The following LRRC63 variants were observed in gnomAD, a reference collection of about 807,000 sequenced individuals.
The protein encoded by LRRC63 is leucine-rich repeat-containing protein 63.
A neutral mutation model predicts 49.5 loss-of-function variants in LRRC63; 40 were observed. The ratio of observed to expected loss-of-function variants is 0.81; its 90% CI spans 0.63 to 1.05. The LOEUF is 1.05. Ranked by LOEUF, LRRC63 falls within the 50% of genes least tolerant of loss-of-function variation. LRRC63 has a pLI of 0.00. For missense variants in LRRC63, 636 were observed against 663.1 expected (o/e 0.96, Z 0.45); for synonymous variants, 191 against 221.1 (o/e 0.86, Z 1.21).
Position 46,276,817 on chromosome 13 carries a change from C to T in LRRC63, c.*14C>T, listed in dbSNP as rs1217233344. On this transcript the variant is annotated 3_prime_UTR_variant, in exon 10 of 10. Coordinates refer to ENST00000595396, the Ensembl canonical transcript of LRRC63. The stretch of plus-strand genomic sequence containing the variant: ...AAAGAATTATAGTACAATGATTTAT[C>T]GTATGTGTGTGTATATATATATATA... The T allele has an allele frequency of 5.0e-5, 13 of 262,418 alleles. No homozygotes were observed. The South Asian group carries it at 5.7e-4, about 12-fold the overall frequency. The allele number at this position is 262,418 out of a possible 1,614,324, so 16.3% of individuals were successfully genotyped here.
At chr13:46,215,353 C>T (rs143368994) in intron 2 of LRRC63, among the ~76,000 whole-genome samples, 2,176 of 152,286 alleles carry the variant, frequency 0.014, 65 homozygotes, top group African/African-American at 0.048. Context: ...TTGCATTTCT[C>T]AGATGATTAG....
intron 9 of LRRC63, 38 bp from the exon 10 acceptor site, chr13:46,276,552 A>G (rs983461204): frequency 9.4e-7 from 1 of 1,061,692 alleles, no homozygotes; most frequent in East Asian, 3.2e-5. Flanking sequence ...TTTAGTAAAA[A>G]TTTATTAAAT....
chr13:46,260,580 A>G (rs1429445464), intron 7 of LRRC63, among the ~76,000 whole-genome samples: 1 of 152,194 alleles, frequency 6.6e-6, no homozygotes, highest in African/African-American at 2.4e-5. Context: ...TGTGATGGGT[A>G]CTATGAGAGA....
intron 6 of LRRC63, 188 bp from the exon 7 acceptor site, chr13:46,250,167 T>C: frequency 2.2e-6 from 1 of 463,046 alleles, no homozygotes; most frequent in South Asian, 3.0e-5. Flanking sequence ...TTTCACCATA[T>C]CATACCTATT....
chr13:46,270,571 G>A (rs770391905), intron 9 of LRRC63: 7 of 870,860 alleles, frequency 8.0e-6, no homozygotes, highest in Non-Finnish European at 1.4e-5. Context: ...CACAAAAACG[G>A]TATGAAGAAG....
At chr13:46,220,903 C>T (rs185024490) in intron 2 of LRRC63, among the ~76,000 whole-genome samples, 375 of 152,220 alleles carry the variant, frequency 2.5e-3, no homozygotes, top group Non-Finnish European at 4.0e-3. Context: ...GAGGTGACGC[C>T]GCACCCTGCT....
At chr13:46,214,528 CATTTTAGGTTGG>C (rs755068689) in intron 2 of LRRC63, among the ~76,000 whole-genome samples, 60 of 152,026 alleles carry the variant, frequency 3.9e-4, no homozygotes, top group Non-Finnish European at 6.3e-4. Context: ...GCACTATTGA[CATTTTAGGTTGG>C]ATGGTTCCTT....
chr13:46,276,870 A>ATATATATATTCATATATATATATATT (rs2047850611), exon 10 of LRRC63: 1 of 141,226 alleles, frequency 7.1e-6, no homozygotes, highest in South Asian at 2.3e-4. Context: ...ATATATATTT[A>ATATATATATTCATATATATATATATT]TATATATATA....
intron 5 of LRRC63, among the ~76,000 whole-genome samples, chr13:46,243,961 C>T (rs2047139912): frequency 6.6e-6 from 1 of 152,012 alleles, no homozygotes; most frequent in Non-Finnish European, 1.5e-5. Flanking sequence ...TTTTCTCAAG[C>T]TTATCTCTAC....
chr13:46,255,716 T>G (rs2047495756), intron 7 of LRRC63, among the ~76,000 whole-genome samples: 1 of 151,004 alleles, frequency 6.6e-6, no homozygotes, highest in Non-Finnish European at 1.5e-5. Flanking sequence ...CTTCCTTCTT[T>G]CTAAAATTTT....
chr13:46,232,525 A>C (rs2046793232), intron 4 of LRRC63, among the ~76,000 whole-genome samples: 1 of 152,218 alleles, frequency 6.6e-6, no homozygotes. Flanking sequence ...CTTAGGAATA[A>C]AGATGATGTT....
rs147743221 is a variant in LRRC63 at position 46,226,043 on chromosome 13, G to T, written c.86-1469G>T. On this transcript the variant is annotated intron_variant, in intron 2 of 9. Transcript: ENST00000595396. ...CCGTCACCCAAGTTGAAGTGCAGTG[G>T]TACAATCATGGCTCACTGCAGCCTC... 2.0e-5 allele frequency among the ~76,000 whole-genome samples: 3 copies of T among 151,886 alleles called. No homozygotes were observed. In the East Asian group the frequency reaches 5.8e-4, roughly 29 times the overall value.
At chr13:46,270,975 T>G (rs1295413730) in intron 9 of LRRC63, among the ~76,000 whole-genome samples, 1 of 152,224 alleles carries the variant, frequency 6.6e-6, no homozygotes, top group East Asian at 1.9e-4. Context: ...TAAAAATAAT[T>G]TACGCATTAT....
chr13:46,227,981 A>G (rs2046627413), exon 3 of LRRC63: 2 of 1,550,948 alleles, frequency 1.3e-6, no homozygotes, highest in African/African-American at 1.4e-5. Flanking sequence ...CAGAGAGTCC[A>G]GGCTATACTT....
intron 7 of LRRC63, among the ~76,000 whole-genome samples, chr13:46,253,881 A>T (rs1479132866): frequency 6.6e-6 from 1 of 152,154 alleles, no homozygotes; most frequent in Admixed American, 6.6e-5. Context: ...TCTGTTTTTC[A>T]TCACAATTCT....
rs565915385 is a variant in LRRC63 at position 46,243,930 on chromosome 13, A to G, written c.991-2597A>G. Among the ~76,000 whole-genome samples, 12 of 152,364 alleles carry G rather than the reference A, an allele frequency of 7.9e-5. No homozygotes were observed. The East Asian group carries it at 2.3e-3, about 29-fold the overall frequency. Reference sequence around the variant, plus strand: ...TGAATATGCAATAAGATGTTTTCAGACAAAGAAAAGCTGAATTCATTTTTC... The same window carrying G: ...TGAATATGCAATAAGATGTTTTCAGGCAAAGAAAAGCTGAATTCATTTTTC... On this transcript the variant is annotated intron_variant, in intron 5 of 9. Transcript: ENST00000595396.
chr13:46,214,584 C>T (rs948042049), intron 2 of LRRC63, among the ~76,000 whole-genome samples: 2 of 151,536 alleles, frequency 1.3e-5, no homozygotes, highest in Non-Finnish European at 2.9e-5. Flanking sequence ...TCTCTTGCTC[C>T]AAAGGCTCTT....
chr13:46,219,053 C>G (rs943066622), intron 2 of LRRC63, among the ~76,000 whole-genome samples: 3 of 152,108 alleles, frequency 2.0e-5, no homozygotes, highest in African/African-American at 7.2e-5. Flanking sequence ...TCATTTCAAC[C>G]TTGGTGAATC....
chr13:46,237,141 A>G (rs563116668), intron 5 of LRRC63, among the ~76,000 whole-genome samples: 1 of 152,202 alleles, frequency 6.6e-6, no homozygotes, highest in Non-Finnish European at 1.5e-5. Context: ...GGAATGAACA[A>G]AACCAACAAT....
Sources: allele counts gnomAD v4.1 joint callset (sites outside exome capture counted in the v4.1 genomes callset), GRCh38; gene constraint gnomAD v4.1.1; transcripts MANE v1.5; gene names NCBI Gene and HGNC (gene_info 2026-07-23, HGNC 2026-07-21).